ALG6: variants seen among roughly 807,000 people sequenced by gnomAD.
The protein encoded by ALG6 is ALG6 alpha-1,3-glucosyltransferase.
ALG6 carries 46 observed loss-of-function variants against 66.6 expected under a neutral mutation model. The ratio of observed to expected loss-of-function variants is 0.69; its 90% CI spans 0.55 to 0.88. The LOEUF is 0.88. Among genes scored for constraint, ALG6 ranks in the 40% least tolerant of loss-of-function variants. The pLI is 0.00. For missense variants in ALG6, 505 were observed against 586.8 expected (o/e 0.86, Z 1.44); for synonymous variants, 185 against 203.7 (o/e 0.91, Z 0.78).
chr1:63,369,189 A>G (rs1647827801), intron 1 of ALG6, among the ~76,000 whole-genome samples: 1 of 152,260 alleles, frequency 6.6e-6, no homozygotes, highest in Non-Finnish European at 1.5e-5. Flanking sequence ...GAAGGTAATG[A>G]TACAAACAGT....
intron 7 of ALG6, among the ~76,000 whole-genome samples, chr1:63,407,698 T>C (rs1471600569): frequency 6.6e-6 from 1 of 152,044 alleles, no homozygotes; most frequent in African/African-American, 2.4e-5. Context: ...ATATTGAATG[T>C]TATTACCTGT....
At chr1:63,410,682 C>T (rs923565136) in intron 7 of ALG6, among the ~76,000 whole-genome samples, 4 of 152,100 alleles carry the variant, frequency 2.6e-5, no homozygotes, top group Non-Finnish European at 4.4e-5. Context: ...TTTTAATTAA[C>T]AATGTTGTTA....
chr1:63,425,889 T>C (rs1188315866), intron 12 of ALG6, among the ~76,000 whole-genome samples: 1 of 152,082 alleles, frequency 6.6e-6, no homozygotes, highest in East Asian at 1.9e-4. Flanking sequence ...GTAGGAACAA[T>C]GGATTGAAGA....
chr1:63,379,552 C>A (rs1477295602), intron 2 of ALG6, among the ~76,000 whole-genome samples: 1 of 152,084 alleles, frequency 6.6e-6, no homozygotes, highest in East Asian at 1.9e-4. Flanking sequence ...CTGCACAGGG[C>A]TCCTGGTAGC....
chr1:63,435,423 C>T (rs187378337), intron 14 of ALG6, among the ~76,000 whole-genome samples: 57 of 152,214 alleles, frequency 3.7e-4, no homozygotes, highest in African/African-American at 1.3e-3. Flanking sequence ...TGTAAGCTTT[C>T]TTGGCGCCTA....
chr1:63,391,822 A>G (rs1464809978), intron 2 of ALG6, among the ~76,000 whole-genome samples: 4 of 152,196 alleles, frequency 2.6e-5, no homozygotes, highest in Non-Finnish European at 5.9e-5. Flanking sequence ...ATTTTCAGAG[A>G]CCTAAAAATA....
chr1:63,376,109 T>G (rs1484205923), intron 2 of ALG6, among the ~76,000 whole-genome samples: 1 of 152,146 alleles, frequency 6.6e-6, no homozygotes, highest in East Asian at 1.9e-4. Flanking sequence ...GTTCAACCAT[T>G]GTAGAGTGAC....
At chr1:63,422,402 TATATAA>T (rs57462899) in intron 12 of ALG6, among the ~76,000 whole-genome samples, 19,063 of 84,898 alleles carry the variant, frequency 0.22, 2,506 homozygotes, top group South Asian at 0.29. Context: ...AATATATATC[TATATAA>T]ATATAAATAT....
At chr1:63,395,330 A>G in intron 2 of ALG6, among the ~76,000 whole-genome samples, 1 of 152,244 alleles carries the variant, frequency 6.6e-6, no homozygotes. Flanking sequence ...GCCTGATCTA[A>G]TTAATGTCTT....
intron 14 of ALG6, 108 bp from the exon 15 acceptor site, chr1:63,436,715 C>T (rs1225444135): frequency 2.7e-6 from 3 of 1,106,166 alleles, no homozygotes; most frequent in Non-Finnish European, 4.1e-6. Context: ...AAATTAGACC[C>T]TCAACCCTCA....
At chr1:63,386,209 A>G in intron 2 of ALG6, among the ~76,000 whole-genome samples, 1 of 151,906 alleles carries the variant, frequency 6.6e-6, no homozygotes, top group East Asian at 1.9e-4. Context: ...TGTTGATTAC[A>G]GTTTGCTAGT....
intron 10 of ALG6, among the ~76,000 whole-genome samples, chr1:63,415,045 A>C (rs1644538173): frequency 6.6e-6 from 1 of 152,214 alleles, no homozygotes. Flanking sequence ...CTTTCACAGC[A>C]GATTAGTGTT....
chr1:63,378,849 G>A (rs1241270120), intron 2 of ALG6, among the ~76,000 whole-genome samples: 2 of 143,298 alleles, frequency 1.4e-5, no homozygotes, highest in Non-Finnish European at 3.0e-5. Context: ...GTTTTTAGCT[G>A]TGCTTAATTT....
intron 4 of ALG6, among the ~76,000 whole-genome samples, chr1:63,402,758 C>T (rs901862102): frequency 6.6e-6 from 1 of 151,152 alleles, no homozygotes; most frequent in African/African-American, 2.4e-5. Flanking sequence ...TGAGCCACCT[C>T]ACCCAGCCAC....
chr1:63,413,183 G>T (rs1185029105), intron 9 of ALG6, among the ~76,000 whole-genome samples: 2 of 152,138 alleles, frequency 1.3e-5, no homozygotes, highest in Non-Finnish European at 2.9e-5. Flanking sequence ...CCTATAACTA[G>T]TATGTAGCAG....
At position 63,422,273 on chromosome 1, in the gene ALG6, A is replaced by ATATATTTATATAGATATAAATATG. The variant is rs1267416884; in HGVS notation, c.1058+2838_1058+2839insTTATATAGATATAAATATGTATAT. On this transcript the variant is annotated intron_variant, in intron 12 of 14. Coordinates refer to ENST00000263440, the MANE Select transcript of ALG6 (RefSeq NM_013339.4). Reference sequence around the variant, plus strand: ...TATATATTTATATAGATATAAATATATATATAAATATATATATTTATATAG... The same window carrying ATATATTTATATAGATATAAATATG: ...TATATATTTATATAGATATAAATATATATATTTATATAGATATAAATATGTATATAAATATATATATTTATATAG... 3.6e-5 allele frequency among the ~76,000 whole-genome samples: 2 copies of ATATATTTATATAGATATAAATATG among 55,440 alleles called. 1 individual carries two copies. Among genetic ancestry groups the ATATATTTATATAGATATAAATATG allele is most frequent in the African/African-American group, 2.2e-4 (2 of 9,278 alleles). The allele number at this position is 55,440 out of a possible 152,430, so 36.4% of individuals were successfully genotyped here. A position where few individuals can be genotyped will look rare whatever the true frequency, so the allele number is the denominator to read the frequency against.
At chr1:63,419,947 CA>C (rs1286735668) in intron 12 of ALG6, among the ~76,000 whole-genome samples, 14 of 152,254 alleles carry the variant, frequency 9.2e-5, no homozygotes, top group African/African-American at 3.4e-4. Context: ...TCATAGAAAG[CA>C]GTGGATGACA....
At chr1:63,401,805 T>C (rs1466275701) in intron 3 of ALG6, among the ~76,000 whole-genome samples, 2 of 152,202 alleles carry the variant, frequency 1.3e-5, no homozygotes, top group Non-Finnish European at 1.5e-5. Flanking sequence ...AGGACATGAT[T>C]AAGAAATTAT....
Position 63,411,249 on chromosome 1 carries a change from A to G in ALG6, c.598A>G (p.Lys200Glu). ...SLAFCLAINY[K>E]QMELYHALPF... Reference sequence around the variant, plus strand: ...GGCATTTTGCTTAGCTATAAATTATAAACAGATGGAACTTTACCACGCCTT... The same window carrying G: ...GGCATTTTGCTTAGCTATAAATTATGAACAGATGGAACTTTACCACGCCTT... The change falls in exon 8 of 15, where the codon AAA becomes GAA. Residue 200 changes from lysine to glutamate, a missense_variant. By Grantham distance (56) the Lys-to-Glu change is moderately conservative. Coordinates refer to ENST00000263440, the MANE Select transcript of ALG6 (RefSeq NM_013339.4). 1 of 1,614,016 alleles carries G rather than the reference A, an allele frequency of 6.2e-7. No homozygotes were observed. The highest frequency in any genetic ancestry group is 1.7e-4 in the Middle Eastern group (1 of 6,060).
Sources: allele counts gnomAD v4.1 joint callset (sites outside exome capture counted in the v4.1 genomes callset), GRCh38; gene constraint gnomAD v4.1.1; transcripts MANE v1.5; gene names NCBI Gene and HGNC (gene_info 2026-07-23, HGNC 2026-07-21).